Variants in SLC39A11 observed in about 807,000 individuals in gnomAD.
SLC39A11 encodes the protein solute carrier family 39 member 11, also known as zinc transporter ZIP11.
SLC39A11 carries 33 observed loss-of-function variants against 36.1 expected under a neutral mutation model. The ratio of observed to expected loss-of-function variants is 0.91; its 90% confidence interval spans 0.69 to 1.22. SLC39A11 has a LOEUF of 1.22. Among genes scored for constraint, SLC39A11 ranks in the 50% most tolerant of loss-of-function variants. The pLI is 0.00. For missense variants in SLC39A11, 432 were observed against 430.3 expected (o/e 1.00, Z -0.03); for synonymous variants, 166 against 170.3 (o/e 0.97, Z 0.20).
intron 7 of SLC39A11, among the ~76,000 whole-genome samples, chr17:72,657,360 A>AAAAC (rs776334318): frequency 5.9e-5 from 9 of 152,328 alleles, no homozygotes; most frequent in African/African-American, 1.2e-4. Context: ...ATTCTGCCTC[A>AAAAC]AAACAAACAA....
chr17:72,856,355 A>G (rs924196617), intron 5 of SLC39A11, among the ~76,000 whole-genome samples: 1 of 152,202 alleles, frequency 6.6e-6, no homozygotes, highest in East Asian at 1.9e-4. Context: ...TCCTCTTTTG[A>G]AAGATGCCTG....
intron 3 of SLC39A11, among the ~76,000 whole-genome samples, chr17:73,036,101 C>A (rs1218601121): frequency 6.6e-6 from 1 of 152,134 alleles, no homozygotes; most frequent in African/African-American, 2.4e-5. Flanking sequence ...GACTTTGTCC[C>A]AGTTAAAATC....
rs151176247 is a variant in SLC39A11, at chr17:72,753,209, C to T, written c.602-16490G>A. On this transcript the variant is annotated intron_variant, in intron 6 of 9. Coordinates refer to ENST00000255559, the MANE Select transcript of SLC39A11 (RefSeq NM_139177.4). ...TCTGAGTGGGGTATTTTCTCCATTC[C>T]CACTATTCAGCATTAGGTGGTCTTT... 2.8e-4 allele frequency among the ~76,000 whole-genome samples: 43 copies of T among 152,200 alleles called. No homozygotes were observed. The East Asian group carries it at 5.4e-3, about 19-fold the overall frequency.
chr17:72,805,841 T>C (rs1175211712), intron 6 of SLC39A11, among the ~76,000 whole-genome samples: 13 of 151,632 alleles, frequency 8.6e-5, no homozygotes, highest in Admixed American at 8.6e-4. Context: ...CTCCGCCTCC[T>C]GGGTTCAAGC....
chr17:73,083,466 C>A (rs189939196), intron 3 of SLC39A11, among the ~76,000 whole-genome samples: 2 of 152,280 alleles, frequency 1.3e-5, no homozygotes, highest in Non-Finnish European at 2.9e-5. Context: ...AGAAACCAAA[C>A]CCTGATCAAC....
chr17:72,962,480 T>C (rs1403842807), intron 4 of SLC39A11, among the ~76,000 whole-genome samples: 1 of 152,230 alleles, frequency 6.6e-6, no homozygotes, highest in Non-Finnish European at 1.5e-5. Flanking sequence ...CTTGCTGGCT[T>C]CAGGCTGGTG....
chr17:72,696,976 A>G (rs1025577292), intron 7 of SLC39A11, among the ~76,000 whole-genome samples: 4 of 152,208 alleles, frequency 2.6e-5, no homozygotes, highest in African/African-American at 4.8e-5. Flanking sequence ...TCTGGGCCCA[A>G]TGTGTTCTAC....
intron 4 of SLC39A11, among the ~76,000 whole-genome samples, chr17:73,006,317 TA>T (rs1296365318): frequency 6.6e-6 from 1 of 152,210 alleles, no homozygotes; most frequent in Non-Finnish European, 1.5e-5. Context: ...AACAAAGTTT[TA>T]AAAGAACTGG....
chr17:72,721,087 C>CTTT lies in SLC39A11; in HGVS notation c.671+15560_671+15562dup, dbSNP rs56090007. Among the ~76,000 whole-genome samples, 283 of 126,522 alleles carry CTTT rather than the reference C, an allele frequency of 2.2e-3. 8 individuals are homozygous for CTTT. The highest frequency in any genetic ancestry group is 6.6e-3 in the African/African-American group (215 of 32,576). The allele number at this position is 126,522 out of a possible 152,430, so 83.0% of individuals were successfully genotyped here. A position where few individuals can be genotyped will look rare whatever the true frequency, so the allele number is the denominator to read the frequency against. ...CACAGACTTGACTGCTGTCCCTCGC[C>CTTT]TTTTTTTTTTTTTTTTTTTTAAGTT... is the stretch of plus-strand genomic sequence containing the variant. On this transcript the variant is annotated intron_variant, in intron 7 of 9. Coordinates refer to ENST00000255559, the MANE Select transcript of SLC39A11 (RefSeq NM_139177.4).
chr17:72,937,178 C>T (rs1042693377), intron 5 of SLC39A11, among the ~76,000 whole-genome samples: 5 of 152,306 alleles, frequency 3.3e-5, no homozygotes, highest in Middle Eastern at 3.4e-3. Flanking sequence ...CATTGGCTCA[C>T]GCCTGTAATC....
intron 6 of SLC39A11, among the ~76,000 whole-genome samples, chr17:72,767,474 G>A (rs1340322330): frequency 6.6e-6 from 1 of 152,218 alleles, no homozygotes; most frequent in African/African-American, 2.4e-5. Flanking sequence ...CCATTTTCTT[G>A]TAGGGGAGAC....
chr17:72,693,445 T>C (rs1425402350), intron 7 of SLC39A11, among the ~76,000 whole-genome samples: 1 of 152,240 alleles, frequency 6.6e-6, no homozygotes, highest in Admixed American at 6.5e-5. Flanking sequence ...TGATGCCGGG[T>C]AGGGCTGGGC....
chr17:72,886,183 C>T (rs1193220015), intron 5 of SLC39A11, among the ~76,000 whole-genome samples: 1 of 152,210 alleles, frequency 6.6e-6, no homozygotes, highest in African/African-American at 2.4e-5. Flanking sequence ...GTCCTCAGTG[C>T]TCTTCGCTCT....
chr17:72,707,227 C>G (rs1320569939), intron 7 of SLC39A11, among the ~76,000 whole-genome samples: 1 of 152,036 alleles, frequency 6.6e-6, no homozygotes, highest in Non-Finnish European at 1.5e-5. Context: ...TAGGAAGACC[C>G]CCATTGCTAC....
intron 4 of SLC39A11, among the ~76,000 whole-genome samples, chr17:72,969,352 G>A (rs1480942834): frequency 1.3e-5 from 2 of 152,068 alleles, no homozygotes; most frequent in South Asian, 2.1e-4. Flanking sequence ...AGATTCAGGG[G>A]AGAGAGGAGA....
intron 5 of SLC39A11, among the ~76,000 whole-genome samples, chr17:72,858,268 C>T (rs1021410257): frequency 6.6e-6 from 1 of 152,050 alleles, no homozygotes; most frequent in African/African-American, 2.4e-5. Context: ...TCAGCTTTGT[C>T]GAAGATCAGA....
chr17:73,020,335 C>T (rs923159958), intron 4 of SLC39A11, among the ~76,000 whole-genome samples: 11 of 152,152 alleles, frequency 7.2e-5, no homozygotes, highest in Admixed American at 7.2e-4. Context: ...TCAGAGAGCT[C>T]GCCCTCTCTC....
intron 6 of SLC39A11, among the ~76,000 whole-genome samples, chr17:72,737,642 T>C (rs1356821518): frequency 6.6e-6 from 1 of 152,162 alleles, no homozygotes; most frequent in East Asian, 1.9e-4. Flanking sequence ...GTGACTGTGC[T>C]ACCTCCAGGC....
At chr17:72,787,327 G>C (rs921551314) in intron 6 of SLC39A11, among the ~76,000 whole-genome samples, 1 of 128,162 alleles carries the variant, frequency 7.8e-6, no homozygotes, top group South Asian at 2.5e-4. Context: ...GCGCAATCTC[G>C]GCTCACTGCA....
Sources: gnomAD v4.1 joint callset for allele counts (sites outside exome capture counted in the v4.1 genomes callset) on GRCh38, gnomAD v4.1.1 for gene constraint, MANE v1.5 for transcripts, NCBI Gene and HGNC (gene_info 2026-07-23, HGNC 2026-07-21) for gene names.